Variants in TUBGCP4 observed in about 807,000 individuals in gnomAD.
TUBGCP4 encodes the protein gamma-tubulin complex component 4.
In TUBGCP4, 54 loss-of-function variants were observed where a neutral mutation model predicts 91.6. The ratio of observed to expected loss-of-function variants is 0.59; its 90% CI spans 0.47 to 0.74. TUBGCP4 has a LOEUF of 0.74. TUBGCP4 is among the 30% of genes least tolerant of loss of function. The pLI is 0.00. For missense variants in TUBGCP4, 593 were observed against 800.9 expected (o/e 0.74, Z 3.13); for synonymous variants, 297 against 302.8 (o/e 0.98, Z 0.20).
Position 43,387,292 on chromosome 15 carries a change from A to T in TUBGCP4, c.1014+962A>T, listed in dbSNP as rs561164329. The stretch of plus-strand genomic sequence containing the variant: ...TGAATTGTGCTGGTGCCACCGACTT[A>T]AATTGTGACCAGTAATTTTTCAAAG... On this transcript the variant is annotated intron_variant, in intron 9 of 17. Transcript: ENST00000564079. 8.5e-5 allele frequency among the ~76,000 whole-genome samples: 13 copies of T among 152,104 alleles called. 1 individual carries two copies. In the South Asian group the frequency reaches 2.5e-3, roughly 29 times the overall value.
At chr15:43,404,068 TC>T (rs2044772354) in intron 16 of TUBGCP4, 1 of 523,218 alleles carries the variant, frequency 1.9e-6, no homozygotes, top group Admixed American at 3.3e-5. Context: ...CCTCACATCC[TC>T]CCCCCTCCTT....
intron 7 of TUBGCP4, among the ~76,000 whole-genome samples, chr15:43,384,944 G>A (rs1043464392): frequency 6.6e-6 from 1 of 152,232 alleles, no homozygotes; most frequent in Non-Finnish European, 1.5e-5. Flanking sequence ...AGGTGTGAGA[G>A]ATGTTTAGAG....
chr15:43,372,096 G>C (rs1025491002), intron 1 of TUBGCP4, among the ~76,000 whole-genome samples: 4 of 152,144 alleles, frequency 2.6e-5, no homozygotes, highest in Non-Finnish European at 4.4e-5. Flanking sequence ...GGTCTGTCTG[G>C]CTTCAGTATT....
intron 17 of TUBGCP4, chr15:43,404,756 A>T: frequency 4.9e-6 from 3 of 608,120 alleles, no homozygotes; most frequent in Non-Finnish European, 8.3e-6. Flanking sequence ...ATACTAAAAA[A>T]CCTGACAGTG....
Position 43,409,155 on chromosome 15 carries a change from A to C in TUBGCP4, c.*3941A>C. On this transcript the variant is annotated 3_prime_UTR_variant, in exon 18 of 18. Coordinates refer to ENST00000564079, the MANE Select transcript of TUBGCP4 (RefSeq NM_014444.5). ...TGACTTCTGTGGAAAGCTCCTAAGCAGCAGCCATAATGAGCCATGAAGAGC... is the reference window on the plus strand; with the variant it reads ...TGACTTCTGTGGAAAGCTCCTAAGCCGCAGCCATAATGAGCCATGAAGAGC... 2.6e-6 allele frequency: 4 copies of C among 1,519,064 alleles called. No individual in the cohort carries two copies. The highest frequency in any genetic ancestry group is 3.6e-6 in the Non-Finnish European group (4 of 1,099,400). The allele number at this position is 1,519,064 out of a possible 1,614,324, so 94.1% of individuals were successfully genotyped here.
At position 43,407,273 on chromosome 15, in the gene TUBGCP4, AT is replaced by A; in HGVS notation, c.*2060del. The A allele has an allele frequency of 1.1e-6, 1 of 879,736 alleles. No individual in the cohort carries two copies. The highest frequency in any genetic ancestry group is 1.8e-6 in the Non-Finnish European group (1 of 563,294). 54.5% of individuals were successfully genotyped at this position (879,736 alleles called of 1,614,324 possible). A position where few individuals can be genotyped will look rare whatever the true frequency, so the allele number is the denominator to read the frequency against. The stretch of plus-strand genomic sequence containing the variant: ...TCATAAAAGTTCAGCAAATAAAACT[AT>A]ATACAAGATCCATGCAAGGAATCCA... On this transcript the variant is annotated 3_prime_UTR_variant, in exon 18 of 18. Coordinates refer to ENST00000564079, the MANE Select transcript of TUBGCP4 (RefSeq NM_014444.5).
intron 6 of TUBGCP4, among the ~76,000 whole-genome samples, chr15:43,381,711 G>A (rs764604034): frequency 3.3e-5 from 5 of 152,062 alleles, no homozygotes; most frequent in Non-Finnish European, 7.4e-5. Context: ...CAGCCTGGAT[G>A]ACAGAATGAG....
intron 9 of TUBGCP4, chr15:43,394,109 A>C (rs2044537401): frequency 1.4e-5 from 2 of 140,342 alleles, no homozygotes; most frequent in South Asian, 4.4e-4. Context: ...TTTGAGACAG[A>C]GTCTTGCCCT....
chr15:43,382,174 A>G (rs2044294322), intron 6 of TUBGCP4, among the ~76,000 whole-genome samples: 2 of 151,794 alleles, frequency 1.3e-5, no homozygotes, highest in African/African-American at 4.8e-5. Context: ...ATCGTGCTAC[A>G]GCACTCCAGC....
chr15:43,400,823 C>T (rs1595499264), intron 14 of TUBGCP4, among the ~76,000 whole-genome samples: 1 of 151,922 alleles, frequency 6.6e-6, no homozygotes, highest in East Asian at 1.9e-4. Flanking sequence ...GAGGCTGAGG[C>T]AGGAGAATCG....
At chr15:43,398,311 C>G (rs1309721056) in intron 13 of TUBGCP4, 132 bp downstream of exon 13, 1 of 1,015,376 alleles carries the variant, frequency 9.8e-7, no homozygotes, top group Non-Finnish European at 1.4e-6. Flanking sequence ...AGTCCAGAGC[C>G]TGAGCAGGAG....
At chr15:43,373,645 C>CTTTT (rs767035742) in intron 1 of TUBGCP4, among the ~76,000 whole-genome samples, 1 of 129,654 alleles carries the variant, frequency 7.7e-6, no homozygotes, top group Non-Finnish European at 1.7e-5. Flanking sequence ...AGACCAGGTT[C>CTTTT]TTTTTTTTTT....
At chr15:43,393,624 G>A (rs1265821526) in intron 9 of TUBGCP4, among the ~76,000 whole-genome samples, 1 of 151,828 alleles carries the variant, frequency 6.6e-6, no homozygotes, top group Non-Finnish European at 1.5e-5. Context: ...AGTCCCCGGT[G>A]TGTGATGTTC....
chr15:43,404,692 C>G (rs1392958642), intron 17 of TUBGCP4, 140 bp downstream of exon 17: 2 of 892,020 alleles, frequency 2.2e-6, no homozygotes, highest in Admixed American at 5.6e-5. Context: ...GTGTGACCAT[C>G]TTTAATAATT....
rs1333456373 is a variant in TUBGCP4 at position 43,385,691 on chromosome 15, C to G, written c.724-100C>G. 16 of 1,304,762 alleles carry G rather than the reference C, an allele frequency of 1.2e-5. No homozygotes were observed. The South Asian group carries it at 1.6e-4, about 13-fold the overall frequency. 80.8% of individuals were successfully genotyped at this position (1,304,762 alleles called of 1,614,324 possible). A position where few individuals can be genotyped will look rare whatever the true frequency, so the allele number is the denominator to read the frequency against. ...AACACCAGATTTGAAGTCCCTGCGT[C>G]TTTATTTTAAATCATGGGTTGGGAG... On this transcript the variant is annotated intron_variant, in intron 7 of 17. Coordinates refer to ENST00000564079, the MANE Select transcript of TUBGCP4 (RefSeq NM_014444.5).
intron 13 of TUBGCP4, chr15:43,399,003 C>T: frequency 2.5e-6 from 1 of 402,524 alleles, no homozygotes; most frequent in Non-Finnish European, 4.3e-6. Context: ...TTATAATATC[C>T]AGTCTACATT....
Position 43,405,430 on chromosome 15 carries a change from G to A in TUBGCP4, c.*216G>A. On this transcript the variant is annotated 3_prime_UTR_variant, in exon 18 of 18. Transcript: ENST00000564079. ...TCTCTCCCATCAAGGAGAACATGTG[G>A]CATCTCTGATCCTTTACATTGAGAA... 1 of 601,250 alleles carries A rather than the reference G, an allele frequency of 1.7e-6. No homozygotes were observed. The highest frequency in any genetic ancestry group is 3.0e-6 in the Non-Finnish European group (1 of 337,910). The allele number at this position is 601,250 out of a possible 1,614,324, so 37.2% of individuals were successfully genotyped here.
chr15:43,375,061 C>T (rs1006045895), intron 1 of TUBGCP4, among the ~76,000 whole-genome samples: 2 of 152,222 alleles, frequency 1.3e-5, no homozygotes, highest in Non-Finnish European at 2.9e-5. Context: ...CACCACCACG[C>T]CTGGCTAATT....
In TUBGCP4 at chr15:43,395,163, G is replaced by A; in HGVS notation, c.1065+6G>A. On this transcript the variant is annotated splice_donor_region_variant and intron_variant, in intron 10 of 17. Coordinates refer to ENST00000564079, the MANE Select transcript of TUBGCP4 (RefSeq NM_014444.5). Reference sequence around the variant, plus strand: ...ATTTACTGGGTCAGCTGAAGGTAATGGCTTAGCTGTTGTAATTCTTACGGT... The same window carrying A: ...ATTTACTGGGTCAGCTGAAGGTAATAGCTTAGCTGTTGTAATTCTTACGGT... 6.2e-7 allele frequency: 1 copy of A among 1,613,864 alleles called. No individual in the cohort carries two copies. Among genetic ancestry groups the A allele is most frequent in the South Asian group, 1.1e-5 (1 of 91,076 alleles).
Sources: allele counts gnomAD v4.1 joint callset (sites outside exome capture counted in the v4.1 genomes callset), GRCh38; gene constraint gnomAD v4.1.1; transcripts MANE v1.5; gene names NCBI Gene and HGNC (gene_info 2026-07-23, HGNC 2026-07-21).